Variants in ZNF484 observed in about 807,000 individuals in gnomAD.
ZNF484 encodes the protein KRAB box containing C2H2 type zinc finger bA526D8.4.
In ZNF484, 11 loss-of-function variants were observed where a neutral mutation model predicts 12.9. The ratio of observed to expected loss-of-function variants is 0.85; its 90% confidence interval spans 0.54 to 1.41. ZNF484 has a LOEUF of 1.41. Ranked by LOEUF, ZNF484 falls within the 40% of genes most tolerant of loss-of-function variation. The pLI is 0.00. For missense variants in ZNF484, 807 were observed against 1,007.7 expected (o/e 0.80, Z 2.70); for synonymous variants, 289 against 334.1 (o/e 0.86, Z 1.47).
chr9:92,876,600 C>G (rs1176947556), intron 1 of ZNF484, among the ~76,000 whole-genome samples: 5 of 152,008 alleles, frequency 3.3e-5, no homozygotes, highest in African/African-American at 1.2e-4. Flanking sequence ...AAGTGTTTTT[C>G]TTGGAATTCG....
At chr9:92,866,458 T>C (rs1857078854) in intron 2 of ZNF484, among the ~76,000 whole-genome samples, 1 of 152,160 alleles carries the variant, frequency 6.6e-6, no homozygotes, top group Admixed American at 6.5e-5. Context: ...CTCATGCCAG[T>C]CAGAATGGCT....
rs1203195650 is a variant in ZNF484, at chr9:92,855,821, C to G, written c.225G>C (p.Gln75His). ...TGGTTCCCTTCTCACCTGGACGGCT[C>G]TGACTGGGGATCTCACCATCCAACA... ...PCMLDGEIPSQSRPDGDIGFG... is the reference protein window; with the variant it reads ...PCMLDGEIPSHSRPDGDIGFG... The change falls in exon 4 of 5, where the codon CAG becomes CAC. Residue 75 changes from glutamine to histidine, a missense_variant. By Grantham distance (24) the Gln-to-His change is conservative (BLOSUM62 0). Transcript: ENST00000375495. 2.5e-6 allele frequency: 4 copies of G among 1,614,012 alleles called. No individual in the cohort carries two copies. The highest frequency in any genetic ancestry group is 3.4e-6 in the Non-Finnish European group (4 of 1,180,008).
intron 2 of ZNF484, among the ~76,000 whole-genome samples, chr9:92,860,868 T>C (rs999500639): frequency 2.6e-5 from 4 of 152,122 alleles, no homozygotes; most frequent in African/African-American, 9.7e-5. Flanking sequence ...AGTAGCTACC[T>C]TCTTCCAATA....
intron 2 of ZNF484, among the ~76,000 whole-genome samples, chr9:92,863,431 TAAAA>T (rs1481280753): frequency 6.6e-6 from 1 of 151,334 alleles, no homozygotes; most frequent in African/African-American, 2.4e-5. Context: ...AAATAAAAAA[TAAAA>T]AAAGACTATC....
In ZNF484 at chr9:92,846,245, G is replaced by T; in HGVS notation, c.2542C>A (p.Gln848Lys). ...WCGDSEGDQG[Q>K]LSSI is the part of the protein sequence containing the mutation. ...AATTCTAACTAGATAGAAGAAAGTT[G>T]GCCTTGGTCACCTTCTGAGTCCCCA... The change falls in exon 5 of 5, where the codon CAA becomes AAA. Residue 848 changes from glutamine to lysine, a missense_variant. Coordinates refer to ENST00000375495, the MANE Select transcript of ZNF484 (RefSeq NM_031486.4). The T allele has an allele frequency of 6.2e-7, 1 of 1,612,896 alleles. No homozygotes were observed. The highest frequency in any genetic ancestry group is 8.5e-7 in the Non-Finnish European group (1 of 1,179,528).
intron 2 of ZNF484, 66 bp downstream of exon 2, chr9:92,874,949 G>T: frequency 6.8e-7 from 1 of 1,461,454 alleles, no homozygotes; most frequent in Non-Finnish European, 9.5e-7. Flanking sequence ...ATTGTTAGAT[G>T]TCTCCTAAAA....
At chr9:92,874,669 A>C (rs1221335812) in intron 2 of ZNF484, among the ~76,000 whole-genome samples, 1 of 152,144 alleles carries the variant, frequency 6.6e-6, no homozygotes, top group Non-Finnish European at 1.5e-5. Context: ...TAACCATCTG[A>C]AGATCTATCA....
At chr9:92,864,672 A>G (rs1461457333) in intron 2 of ZNF484, among the ~76,000 whole-genome samples, 1 of 152,358 alleles carries the variant, frequency 6.6e-6, no homozygotes, top group Admixed American at 6.5e-5. Flanking sequence ...AAAGATCAGT[A>G]CTTCAGGAAA....
At chr9:92,854,452 TC>T (rs1386024680) in intron 4 of ZNF484, among the ~76,000 whole-genome samples, 10 of 152,152 alleles carry the variant, frequency 6.6e-5, no homozygotes, top group Non-Finnish European at 1.0e-4. Context: ...GCGTGGTGGC[TC>T]CCGCCTATAA....
chr9:92,857,636 T>C (rs556885786), intron 2 of ZNF484, among the ~76,000 whole-genome samples: 25 of 152,194 alleles, frequency 1.6e-4, no homozygotes, highest in Non-Finnish European at 3.1e-4. Flanking sequence ...AGAGGTAAAG[T>C]GAGTCTTAGC....
intron 2 of ZNF484, among the ~76,000 whole-genome samples, chr9:92,867,742 C>T (rs1434702291): frequency 6.6e-6 from 1 of 152,280 alleles, no homozygotes; most frequent in East Asian, 1.9e-4. Context: ...TAACCTGAAA[C>T]TTTCCATGAT....
chr9:92,857,561 A>G (rs1856536522), intron 2 of ZNF484, among the ~76,000 whole-genome samples: 1 of 152,224 alleles, frequency 6.6e-6, no homozygotes, highest in Non-Finnish European at 1.5e-5. Context: ...GGCATCTATC[A>G]GGAAGAGGGT....
rs1271611782 is a variant in ZNF484 at position 92,852,281 on chromosome 9, T to C, written c.235+3530A>G. On this transcript the variant is annotated intron_variant, in intron 4 of 4. Coordinates refer to ENST00000375495, the MANE Select transcript of ZNF484 (RefSeq NM_031486.4). Reference sequence around the variant, plus strand: ...CAAAATATGTGTATTATTTGGTTTTTTGTTTGTTTTTGTTTTTGTTTTTGT... The same window carrying C: ...CAAAATATGTGTATTATTTGGTTTTCTGTTTGTTTTTGTTTTTGTTTTTGT... 3.9e-5 allele frequency among the ~76,000 whole-genome samples: 6 copies of C among 152,136 alleles called. No homozygotes were observed. In the East Asian group the frequency reaches 1.2e-3, roughly 29 times the overall value.
intron 2 of ZNF484, among the ~76,000 whole-genome samples, chr9:92,871,039 C>T (rs184126402): frequency 1.3e-5 from 2 of 152,262 alleles, no homozygotes; most frequent in Non-Finnish European, 2.9e-5. Context: ...CAATACATTA[C>T]AAAATCATTT....
Position 92,844,419 on chromosome 9 carries a change from G to A in ZNF484, c.*1809C>T, listed in dbSNP as rs115361200. Among the ~76,000 whole-genome samples, 179 of 152,050 alleles carry A rather than the reference G, an allele frequency of 1.2e-3. No homozygotes were observed. The highest frequency in any genetic ancestry group is 3.8e-3 in the African/African-American group (157 of 41,500). ...CATGTGCACACACGTACACGCACAC[G>A]TGCACACACACACCCCAAAACCACT... is the stretch of plus-strand genomic sequence containing the variant. On this transcript the variant is annotated 3_prime_UTR_variant, in exon 5 of 5. Coordinates refer to ENST00000375495, the MANE Select transcript of ZNF484 (RefSeq NM_031486.4).
intron 2 of ZNF484, among the ~76,000 whole-genome samples, chr9:92,874,242 A>G (rs1344302874): frequency 6.6e-6 from 1 of 152,326 alleles, no homozygotes; most frequent in East Asian, 1.9e-4. Context: ...AATGCAAGTA[A>G]AGTGTCAGAA....
chr9:92,862,149 G>A (rs1022145279), intron 2 of ZNF484: 4 of 972,908 alleles, frequency 4.1e-6, no homozygotes, highest in Non-Finnish European at 4.9e-6. Context: ...CCTGCCATTG[G>A]TAGTTGAGAA....
At position 92,847,888 on chromosome 9, in the gene ZNF484, A is replaced by C. The variant is rs139080322; in HGVS notation, c.899T>G (p.Val300Gly). 1.2e-6 allele frequency: 2 copies of C among 1,613,966 alleles called. No individual in the cohort carries two copies. Among genetic ancestry groups the C allele is most frequent in the Admixed American group, 3.3e-5 (2 of 59,996 alleles). ...ATATTCAGTGCATATTCCTGCATAA[A>C]CCCTCTGACTGCCATCAAGCTGGGA... ...QKSQLDGSQR[V>G]YAGICTEYEK... The change falls in exon 5 of 5, where the codon GTT (valine) becomes GGT (glycine). Residue 300 changes from valine (V) to glycine (G), a missense_variant. Coordinates refer to ENST00000375495, the MANE Select transcript of ZNF484 (RefSeq NM_031486.4).
Position 92,855,902 on chromosome 9 carries a change from TCC to T in ZNF484, c.143-1_143del, listed in dbSNP as rs2117932684. 3.7e-6 allele frequency: 6 copies of T among 1,614,090 alleles called. No homozygotes were observed. The highest frequency in any genetic ancestry group is 5.1e-6 in the Non-Finnish European group (6 of 1,179,960). ...TGACTTCTGGTTTGGGAACTTGACA[TCC>T]TGTTAACAGGGGATGATAGAGGACT... is the stretch of plus-strand genomic sequence containing the variant. On this transcript the variant is annotated splice_acceptor_variant and coding_sequence_variant, in exon 4 of 5. Coordinates refer to ENST00000375495, the MANE Select transcript of ZNF484 (RefSeq NM_031486.4). LOFTEE classifies it high-confidence loss of function.
Sources: gnomAD v4.1 joint callset for allele counts (sites outside exome capture counted in the v4.1 genomes callset) on GRCh38, gnomAD v4.1.1 for gene constraint, MANE v1.5 for transcripts, NCBI Gene and HGNC (gene_info 2026-07-23, HGNC 2026-07-21) for gene names.